Variants in CNTN5 observed in about 807,000 individuals in gnomAD.
CNTN5 encodes contactin-5.
CNTN5 carries 77 observed loss-of-function variants against 129.1 expected under a neutral mutation model. That is an observed-to-expected ratio of 0.60 (90% CI 0.50 to 0.72). The LOEUF (loss-of-function observed/expected upper bound fraction) is 0.72. CNTN5 is among the 30% of genes least tolerant of loss of function. CNTN5 has a pLI of 0.00. For missense variants in CNTN5, 1,478 were observed against 1,328.8 expected, an observed-to-expected ratio of 1.11 and a Z score of -1.75; for synonymous variants, 509 against 465.6, an observed-to-expected ratio of 1.09 and a Z score of -1.20.
chr11:99,733,002 A>C (rs947994315), intron 3 of CNTN5, among the ~76,000 whole-genome samples: 4 of 152,190 alleles, frequency 2.6e-5, no homozygotes, highest in African/African-American at 9.7e-5. Context: ...TATGATGAAA[A>C]GCATGTGATC....
chr11:99,237,838 C>T (rs1861357564), intron 1 of CNTN5, among the ~76,000 whole-genome samples: 1 of 152,152 alleles, frequency 6.6e-6, no homozygotes, highest in Non-Finnish European at 1.5e-5. Flanking sequence ...AATAATTGCT[C>T]TTACTTTACT....
At chr11:100,062,855 C>T (rs537851033) in intron 10 of CNTN5, among the ~76,000 whole-genome samples, 1 of 152,302 alleles carries the variant, frequency 6.6e-6, no homozygotes, top group African/African-American at 2.4e-5. Flanking sequence ...TAAGACAACG[C>T]TCTCTAGCCA....
At chr11:100,146,478 A>G (rs1946854539) in intron 13 of CNTN5, among the ~76,000 whole-genome samples, 1 of 152,154 alleles carries the variant, frequency 6.6e-6, no homozygotes, top group African/African-American at 2.4e-5. Context: ...CTGAGAGTAT[A>G]ATTACAGAAA....
chr11:99,544,068 T>A (rs901668411), intron 2 of CNTN5, among the ~76,000 whole-genome samples: 1 of 152,134 alleles, frequency 6.6e-6, no homozygotes, highest in African/African-American at 2.4e-5. Flanking sequence ...AGAAAGGGGT[T>A]TAATTGGCTC....
chr11:99,144,494 C>A (rs7118447), intron 1 of CNTN5, among the ~76,000 whole-genome samples: 78,924 of 151,920 alleles, frequency 0.52, 21,379 homozygotes, highest in African/African-American at 0.68. Context: ...AGGTTTTCCA[C>A]TACTGTTTCA....
intron 18 of CNTN5, among the ~76,000 whole-genome samples, chr11:100,281,765 TTCA>T (rs1950646265): frequency 6.6e-6 from 1 of 152,196 alleles, no homozygotes; most frequent in Admixed American, 6.5e-5. Flanking sequence ...GTAGGTGTGC[TTCA>T]TTATTCTTTT....
chr11:99,601,444 A>G (rs1950309085), intron 3 of CNTN5, among the ~76,000 whole-genome samples: 1 of 152,176 alleles, frequency 6.6e-6, no homozygotes, highest in South Asian at 2.1e-4. Context: ...TCTTCTAAAC[A>G]TTAATAATAG....
chr11:99,278,854 A>G (rs976694188), intron 1 of CNTN5, among the ~76,000 whole-genome samples: 13 of 151,772 alleles, frequency 8.6e-5, no homozygotes, highest in Non-Finnish European at 2.9e-5. Context: ...CCCACAGCAC[A>G]AAGCACTTTC....
rs139690562 is a variant in CNTN5 at position 99,201,965 on chromosome 11, G to A, written c.-209-123381G>A. Among the ~76,000 whole-genome samples the A allele has an allele frequency of 1.3e-3, 195 of 152,258 alleles. 1 individual carries two copies. Among genetic ancestry groups the A allele is most frequent in the African/African-American group, 4.4e-3 (183 of 41,538 alleles). ...GTGGTAAATTTTTACAGCAGCAACA[G>A]GGAACTAATATATCAATGCATGCGT... On this transcript the variant is annotated intron_variant, in intron 1 of 24. Transcript: ENST00000524871.
chr11:100,231,727 C>T (rs1949493943), intron 16 of CNTN5, among the ~76,000 whole-genome samples: 1 of 152,152 alleles, frequency 6.6e-6, no homozygotes, highest in Non-Finnish European at 1.5e-5. Context: ...AAAGGAATAA[C>T]ATTTAGGGTT....
chr11:100,295,375 A>T (rs532662455), intron 18 of CNTN5, among the ~76,000 whole-genome samples: 2 of 151,694 alleles, frequency 1.3e-5, no homozygotes, highest in Middle Eastern at 3.4e-3. Flanking sequence ...ATCAAATCAT[A>T]GAAGAAAGCC....
At chr11:99,220,221 A>G (rs887533313) in intron 1 of CNTN5, among the ~76,000 whole-genome samples, 1 of 152,054 alleles carries the variant, frequency 6.6e-6, no homozygotes, top group Non-Finnish European at 1.5e-5. Flanking sequence ...ACATATAATT[A>G]CAGGTCACTA....
chr11:99,353,356 A>G (rs1020335761), intron 2 of CNTN5, among the ~76,000 whole-genome samples: 2 of 152,226 alleles, frequency 1.3e-5, no homozygotes, highest in African/African-American at 4.8e-5. Flanking sequence ...TTTTCAAAAT[A>G]GAATGACACA....
chr11:99,745,597 A>G (rs1944028327), intron 3 of CNTN5, among the ~76,000 whole-genome samples: 1 of 152,210 alleles, frequency 6.6e-6, no homozygotes, highest in Non-Finnish European at 1.5e-5. Flanking sequence ...TTAGGCTTAG[A>G]TGCAAAAAAT....
intron 6 of CNTN5, among the ~76,000 whole-genome samples, chr11:99,887,024 C>T (rs1542118): frequency 0.98 from 148,834 of 152,322 alleles, 72,808 homozygotes; most frequent in East Asian, 1. Context: ...TTCTTAAATA[C>T]TGTGGCTGGT....
At chr11:100,112,744 GT>G (rs2138123287) in intron 13 of CNTN5, among the ~76,000 whole-genome samples, 1 of 152,218 alleles carries the variant, frequency 6.6e-6, no homozygotes, top group South Asian at 2.1e-4. Flanking sequence ...GCACAATTAA[GT>G]TTAAAAATAA....
intron 2 of CNTN5, among the ~76,000 whole-genome samples, chr11:99,376,059 G>A (rs939776749): frequency 1.4e-4 from 22 of 152,056 alleles, no homozygotes; most frequent in Admixed American, 9.2e-4. Context: ...AAAAACTTGC[G>A]GATGATGCAA....
chr11:99,916,270 C>G (rs1949788083), intron 7 of CNTN5, 121 bp downstream of exon 7: 2 of 669,858 alleles, frequency 3.0e-6, no homozygotes, highest in South Asian at 2.1e-5. Flanking sequence ...TTCTTGACAT[C>G]TATCAGAGTG....
chr11:99,059,999 G>C (rs1864808233), intron 1 of CNTN5, among the ~76,000 whole-genome samples: 1 of 151,954 alleles, frequency 6.6e-6, no homozygotes. Context: ...TACATATTTA[G>C]TATATATTGT....
Sources: allele counts gnomAD v4.1 joint callset (sites outside exome capture counted in the v4.1 genomes callset), GRCh38; gene constraint gnomAD v4.1.1; transcripts MANE v1.5; gene names NCBI Gene and HGNC (gene_info 2026-07-23, HGNC 2026-07-21).